CNTN4: variants seen among roughly 807,000 people sequenced by gnomAD.
The protein encoded by CNTN4 is contactin-4.
In CNTN4, 77 loss-of-function variants were observed where a neutral mutation model predicts 122.5. That is an observed-to-expected ratio of 0.63 (90% CI 0.52 to 0.76). CNTN4 has a LOEUF of 0.76. Ranked by LOEUF, CNTN4 falls within the 30% of genes least tolerant of loss-of-function variation. The pLI is 0.00. For synonymous variants in CNTN4, 512 were observed against 447.0 expected (o/e 1.15, Z -1.83); for missense variants, 1,256 against 1,259.1 (o/e 1.00, Z 0.04).
chr3:3,054,594 T>C (rs1044928453), intron 24 of CNTN4, among the ~76,000 whole-genome samples: 1 of 152,184 alleles, frequency 6.6e-6, no homozygotes, highest in Non-Finnish European at 1.5e-5. Context: ...AAGAGCATGA[T>C]TTTTTTGTTG....
chr3:2,450,699 G>T (rs2048797942), intron 3 of CNTN4, among the ~76,000 whole-genome samples: 1 of 152,120 alleles, frequency 6.6e-6, no homozygotes, highest in African/African-American at 2.4e-5. Context: ...CCCAATACAG[G>T]CTCCTTGCTA....
intron 3 of CNTN4, among the ~76,000 whole-genome samples, chr3:2,535,356 T>A (rs1234847592): frequency 6.6e-6 from 1 of 152,186 alleles, no homozygotes; most frequent in African/African-American, 2.4e-5. Flanking sequence ...CTTACTGATA[T>A]CTGTCTTCAC....
chr3:2,966,080 C>G (rs541145383), intron 13 of CNTN4, among the ~76,000 whole-genome samples: 108 of 152,100 alleles, frequency 7.1e-4, no homozygotes, highest in African/African-American at 2.6e-3. Flanking sequence ...GACTGAGACA[C>G]TACCATAGGT....
At chr3:2,604,310 T>C (rs763325341) in intron 4 of CNTN4, among the ~76,000 whole-genome samples, 1 of 152,146 alleles carries the variant, frequency 6.6e-6, no homozygotes, top group African/African-American at 2.4e-5. Flanking sequence ...CCTCTGAACT[T>C]TTGTGTATCC....
intron 3 of CNTN4, among the ~76,000 whole-genome samples, chr3:2,395,816 C>T (rs927267265): frequency 1.3e-4 from 20 of 151,982 alleles, no homozygotes; most frequent in Admixed American, 4.6e-4. Context: ...CAGAACTATA[C>T]CCTTTAGATT....
Position 3,040,275 on chromosome 3 carries a change from T to C in CNTN4, c.2398+4T>C, listed in dbSNP as rs339284. ...GTGGTGTATTCTGCAGAAGAAGGTA[T>C]CGTTTATGCTGCCTAGATCATTGAC... On this transcript the variant is annotated splice_donor_region_variant and intron_variant, in intron 20 of 24. Coordinates refer to ENST00000418658, the MANE Select transcript of CNTN4 (RefSeq NM_175607.3). 155,582 of 1,579,766 alleles carry C rather than the reference T, an allele frequency of 0.098. 9,346 individuals are homozygous for C. The highest frequency in any genetic ancestry group is 0.28 in the African/African-American group (20,835 of 74,510).
intron 16 of CNTN4, among the ~76,000 whole-genome samples, chr3:3,033,434 C>T (rs1435206071): frequency 6.6e-5 from 10 of 152,188 alleles, no homozygotes; most frequent in South Asian, 2.1e-4. Flanking sequence ...ATCACGTAAA[C>T]GGTGAAGGAG....
Position 2,159,704 on chromosome 3 carries a change from AT to A in CNTN4, c.-145+59066del, listed in dbSNP as rs374523254. Among the ~76,000 whole-genome samples the A allele has an allele frequency of 9.8e-4, 149 of 152,294 alleles. 1 individual carries two copies. The highest frequency in any genetic ancestry group is 2.6e-3 in the African/African-American group (110 of 41,562). On this transcript the variant is annotated intron_variant, in intron 2 of 24. Transcript: ENST00000418658. The stretch of plus-strand genomic sequence containing the variant: ...TTTTTTTTTGCAGATGATTTATAGA[AT>A]ATGAGATATATAAGCAGCCGTTAAC...
At chr3:2,261,300 A>G (rs1353305407) in intron 2 of CNTN4, among the ~76,000 whole-genome samples, 2 of 152,202 alleles carry the variant, frequency 1.3e-5, no homozygotes, top group African/African-American at 4.8e-5. Flanking sequence ...ATTTAAAACA[A>G]TGTCATACAC....
chr3:2,499,938 A>G (rs997701873), intron 3 of CNTN4, among the ~76,000 whole-genome samples: 7 of 152,036 alleles, frequency 4.6e-5, no homozygotes, highest in Admixed American at 3.9e-4. Context: ...CAATATGCAG[A>G]TCCCATGCAA....
intron 2 of CNTN4, among the ~76,000 whole-genome samples, chr3:2,160,663 G>A (rs896054042): frequency 6.6e-6 from 1 of 152,086 alleles, no homozygotes; most frequent in African/African-American, 2.4e-5. Flanking sequence ...TCATCACACA[G>A]CTCTAGCAAT....
chr3:2,482,630 C>T (rs550969686), intron 3 of CNTN4, among the ~76,000 whole-genome samples: 25 of 152,262 alleles, frequency 1.6e-4, no homozygotes, highest in East Asian at 9.7e-4. Context: ...CCCAGGGAAC[C>T]CCTGCTTTAT....
At chr3:2,443,668 G>A (rs2048517353) in intron 3 of CNTN4, among the ~76,000 whole-genome samples, 3 of 151,920 alleles carry the variant, frequency 2.0e-5, no homozygotes, top group Admixed American at 6.6e-5. Flanking sequence ...TTTCAGTGTC[G>A]ACTTACCCAA....
chr3:2,650,541 G>T (rs141598394), intron 4 of CNTN4, among the ~76,000 whole-genome samples: 1 of 152,130 alleles, frequency 6.6e-6, no homozygotes, highest in East Asian at 1.9e-4. Flanking sequence ...ACCTGCTGAG[G>T]AAGTCTGTCA....
intron 2 of CNTN4, among the ~76,000 whole-genome samples, chr3:2,174,122 C>G (rs917143856): frequency 6.6e-6 from 1 of 152,132 alleles, no homozygotes; most frequent in Non-Finnish European, 1.5e-5. Flanking sequence ...GGCCCACATT[C>G]ATTTATTTTT....
chr3:3,013,144 T>A (rs966968440), intron 14 of CNTN4, among the ~76,000 whole-genome samples: 1 of 152,090 alleles, frequency 6.6e-6, no homozygotes, highest in African/African-American at 2.4e-5. Flanking sequence ...TTATGAAGCA[T>A]GTTAAAATCC....
At chr3:2,733,516 TA>T (rs1180848690) in intron 4 of CNTN4, among the ~76,000 whole-genome samples, 1 of 150,636 alleles carries the variant, frequency 6.6e-6, no homozygotes, top group Non-Finnish European at 1.5e-5. Flanking sequence ...ATTTTTTTTT[TA>T]AAGTGCATGT....
chr3:2,958,033 T>C (rs9864546), intron 13 of CNTN4, among the ~76,000 whole-genome samples: 48,292 of 152,096 alleles, frequency 0.32, 7,870 homozygotes, highest in Middle Eastern at 0.38. Flanking sequence ...ATTTGTCTAA[T>C]GGATTTCTAA....
chr3:2,710,846 C>T (rs1053815696), intron 4 of CNTN4, among the ~76,000 whole-genome samples: 23 of 152,300 alleles, frequency 1.5e-4, no homozygotes, highest in African/African-American at 5.5e-4. Context: ...GCTTTCCATA[C>T]ACTCCACAGG....
Sources: gnomAD v4.1 joint callset for allele counts (sites outside exome capture counted in the v4.1 genomes callset) on GRCh38, gnomAD v4.1.1 for gene constraint, MANE v1.5 for transcripts, NCBI Gene and HGNC (gene_info 2026-07-23, HGNC 2026-07-21) for gene names.